PTPRD: variants seen among roughly 807,000 people sequenced by gnomAD.
The protein encoded by PTPRD is receptor-type tyrosine-protein phosphatase delta.
PTPRD carries 34 observed loss-of-function variants against 214.5 expected under a neutral mutation model. The observed-to-expected ratio is 0.16, with a 90% CI of 0.12 to 0.21. PTPRD has a LOEUF of 0.21. PTPRD is among the 10% of genes least tolerant of loss of function. The probability of loss-of-function intolerance (pLI) is 1.00; values close to 1 mark genes in which losing one functional copy is unlikely to be tolerated. For synonymous variants in PTPRD, 1,128 were observed against 845.7 expected, an observed-to-expected ratio of 1.33 and a Z score of -5.79; for missense variants, 2,545 against 2,398.7, an observed-to-expected ratio of 1.06 and a Z score of -1.27.
intron 4 of PTPRD, among the ~76,000 whole-genome samples, chr9:9,995,601 A>C (rs2096091923): frequency 6.6e-6 from 1 of 152,024 alleles, no homozygotes; most frequent in African/African-American, 2.4e-5. Flanking sequence ...CCTTTTCCTA[A>C]ACCTCCTGGT....
intron 12 of PTPRD, among the ~76,000 whole-genome samples, chr9:8,697,300 G>A (rs1231224186): frequency 6.6e-6 from 1 of 151,976 alleles, no homozygotes; most frequent in Admixed American, 6.6e-5. Context: ...GAGGCCCAAT[G>A]AGATGGATCA....
chr9:9,916,909 G>A (rs942295453), intron 5 of PTPRD, among the ~76,000 whole-genome samples: 2 of 151,402 alleles, frequency 1.3e-5, no homozygotes, highest in East Asian at 1.9e-4. Flanking sequence ...ATAACAAGAG[G>A]AACATTTGAA....
At chr9:9,684,537 C>T (rs1564529173) in intron 7 of PTPRD, among the ~76,000 whole-genome samples, 1 of 151,636 alleles carries the variant, frequency 6.6e-6, no homozygotes, top group Non-Finnish European at 1.5e-5. Context: ...ATTATTTTAG[C>T]TGGTAATTGA....
chr9:9,752,049 T>A (rs937752138), intron 6 of PTPRD, among the ~76,000 whole-genome samples: 3 of 152,122 alleles, frequency 2.0e-5, no homozygotes, highest in African/African-American at 7.2e-5. Flanking sequence ...TAAGAAAATA[T>A]TCCAGTGGTA....
At chr9:9,684,098 G>A (rs1225172412) in intron 7 of PTPRD, among the ~76,000 whole-genome samples, 2 of 151,408 alleles carry the variant, frequency 1.3e-5, no homozygotes, top group African/African-American at 4.8e-5. Context: ...ATTTTGAAGT[G>A]GCCACTTACA....
intron 3 of PTPRD, among the ~76,000 whole-genome samples, chr9:10,236,025 A>C (rs1370699984): frequency 6.6e-6 from 1 of 151,936 alleles, no homozygotes; most frequent in African/African-American, 2.4e-5. Context: ...GTGGATTTAC[A>C]CTAGAAAACA....
At chr9:9,480,820 A>G (rs796497210) in intron 8 of PTPRD, among the ~76,000 whole-genome samples, 6 of 152,168 alleles carry the variant, frequency 3.9e-5, no homozygotes, top group African/African-American at 1.4e-4. Flanking sequence ...ATGCTAAAAC[A>G]TGTGGTACGT....
Position 9,903,221 on chromosome 9 carries a change from G to T in PTPRD, c.-368+35286C>A, listed in dbSNP as rs189453816. ...TGCATGCATATGAATGAATGCATTT[G>T]CTTCACTTTATATTTTCTTCCCTAA... On this transcript the variant is annotated intron_variant, in intron 5 of 45. Coordinates refer to ENST00000381196, the MANE Select transcript of PTPRD (RefSeq NM_002839.4). 1.2e-4 allele frequency among the ~76,000 whole-genome samples: 19 copies of T among 152,106 alleles called. No individual in the cohort carries two copies. The East Asian group carries it at 3.5e-3, about 28-fold the overall frequency.
chr9:9,073,685 A>T (rs1210031881), intron 10 of PTPRD, among the ~76,000 whole-genome samples: 1 of 152,166 alleles, frequency 6.6e-6, no homozygotes, highest in Non-Finnish European at 1.5e-5. Flanking sequence ...GGCTTGCCCT[A>T]TTAATTTTGG....
intron 4 of PTPRD, among the ~76,000 whole-genome samples, chr9:9,957,870 T>C (rs1320251935): frequency 4.7e-5 from 7 of 148,864 alleles, no homozygotes; most frequent in Admixed American, 4.7e-4. Flanking sequence ...ATTAGCACTA[T>C]AAGACAGGGT....
chr9:8,407,155 C>T (rs1298938382), intron 35 of PTPRD, among the ~76,000 whole-genome samples: 1 of 152,086 alleles, frequency 6.6e-6, no homozygotes, highest in African/African-American at 2.4e-5. Context: ...AGTTGTGTGC[C>T]ACCTATGTTA....
At chr9:9,956,386 C>G (rs2093934636) in intron 4 of PTPRD, among the ~76,000 whole-genome samples, 1 of 151,316 alleles carries the variant, frequency 6.6e-6, no homozygotes, top group Non-Finnish European at 1.5e-5. Flanking sequence ...TTTTTTATTT[C>G]TGCACGAACC....
At chr9:8,934,473 A>ATATATT in intron 11 of PTPRD, among the ~76,000 whole-genome samples, 1 of 12,496 alleles carries the variant, frequency 8.0e-5, no homozygotes, top group South Asian at 2.2e-3. Context: ...AAATATATAT[A>ATATATT]TATAAATATA....
intron 3 of PTPRD, among the ~76,000 whole-genome samples, chr9:10,203,169 C>CTTTTTTTTTT (rs60069193): frequency 8.3e-6 from 1 of 119,920 alleles, no homozygotes. Flanking sequence ...CCCTCTCTCT[C>CTTTTTTTTTT]TTTTTTTTTT....
At chr9:9,460,311 G>A (rs1375387853) in intron 8 of PTPRD, among the ~76,000 whole-genome samples, 1 of 151,940 alleles carries the variant, frequency 6.6e-6, no homozygotes, top group African/African-American at 2.4e-5. Flanking sequence ...GACCTCAAAA[G>A]CAAATGCAAC....
At chr9:8,465,139 G>A (rs1591258186) in intron 32 of PTPRD, among the ~76,000 whole-genome samples, 1 of 151,900 alleles carries the variant, frequency 6.6e-6, no homozygotes, top group East Asian at 1.9e-4. Flanking sequence ...AAAGGATGAT[G>A]GAAGGAGATT....
chr9:9,489,724 G>C (rs1156355419), intron 8 of PTPRD, among the ~76,000 whole-genome samples: 1 of 152,096 alleles, frequency 6.6e-6, no homozygotes, highest in Non-Finnish European at 1.5e-5. Context: ...CTTTAAATTA[G>C]AAAGGGAAAA....
chr9:10,589,705 G>A (rs563737985), intron 2 of PTPRD, among the ~76,000 whole-genome samples: 12 of 152,128 alleles, frequency 7.9e-5, no homozygotes, highest in African/African-American at 2.9e-4. Flanking sequence ...GGATACAGTG[G>A]CATCTATGAG....
chr9:9,727,629 C>G (rs2098118002), intron 7 of PTPRD, among the ~76,000 whole-genome samples: 1 of 152,054 alleles, frequency 6.6e-6, no homozygotes, highest in Admixed American at 6.5e-5. Context: ...ATGCATAAGT[C>G]CTATGCTACC....
Sources: gnomAD v4.1 joint callset for allele counts (sites outside exome capture counted in the v4.1 genomes callset) on GRCh38, gnomAD v4.1.1 for gene constraint, MANE v1.5 for transcripts, NCBI Gene and HGNC (gene_info 2026-07-23, HGNC 2026-07-21) for gene names.